The following RBFOX1 variants were observed in gnomAD, a reference collection of about 807,000 sequenced individuals.
RBFOX1 encodes RNA binding fox-1 homolog 1.
RBFOX1 carries 8 observed loss-of-function variants against 57.7 expected under a neutral mutation model. The observed-to-expected ratio is 0.14, with a 90% CI of 0.08 to 0.25. The LOEUF (loss-of-function observed/expected upper bound fraction) is 0.25. Among genes scored for constraint, RBFOX1 ranks in the 10% least tolerant of loss-of-function variants. The probability of loss-of-function intolerance (pLI) is 1.00; values close to 1 mark genes in which losing one functional copy is unlikely to be tolerated. For missense variants in RBFOX1, 611 were observed against 548.5 expected (o/e 1.11, Z -1.14); for synonymous variants, 326 against 222.4 (o/e 1.47, Z -4.15).
chr16:5,455,027 C>CTT, intron 1 of RBFOX1, among the ~76,000 whole-genome samples: 1 of 118,306 alleles, frequency 8.5e-6, no homozygotes, highest in East Asian at 2.8e-4. Context: ...TTCTTTCTCT[C>CTT]TCTCTGTCTG....
At chr16:6,737,900 C>G (rs1014838436) in intron 3 of RBFOX1, among the ~76,000 whole-genome samples, 3 of 152,022 alleles carry the variant, frequency 2.0e-5, no homozygotes, top group African/African-American at 7.2e-5. Flanking sequence ...GCCATGAAGC[C>G]TAAGTTACAT....
intron 2 of RBFOX1, among the ~76,000 whole-genome samples, chr16:6,378,533 C>G (rs17140053): frequency 0.025 from 3,736 of 152,304 alleles, 161 homozygotes; most frequent in African/African-American, 0.084. Flanking sequence ...CATCTCCTGG[C>G]TGGATCATCT....
rs531205458 is a variant in RBFOX1 at position 6,497,613 on chromosome 16, G to C, written c.-63-156990G>C. Among the ~76,000 whole-genome samples the C allele has an allele frequency of 1.1e-4, 17 of 151,282 alleles. No homozygotes were observed. In the South Asian group the frequency reaches 3.6e-3, roughly 32 times the overall value. ...CTCTTGTCACCCAGGCTGGACTGCA[G>C]TGGCGCGATCTTGGCTTACTGCAAC... On this transcript the variant is annotated intron_variant, in intron 2 of 15. Transcript: ENST00000550418.
intron 14 of RBFOX1, among the ~76,000 whole-genome samples, chr16:7,689,203 G>A (rs1342932900): frequency 6.6e-6 from 1 of 152,118 alleles, no homozygotes. Flanking sequence ...ACATTCCCAT[G>A]AGCCAAGACA....
At chr16:6,423,210 G>T (rs1245396851) in intron 2 of RBFOX1, among the ~76,000 whole-genome samples, 1 of 152,194 alleles carries the variant, frequency 6.6e-6, no homozygotes, top group Non-Finnish European at 1.5e-5. Context: ...TACAGTGTTT[G>T]TTGTATCTGA....
intron 1 of RBFOX1, among the ~76,000 whole-genome samples, chr16:6,112,605 C>T (rs1446859466): frequency 1.3e-5 from 2 of 152,118 alleles, no homozygotes; most frequent in Non-Finnish European, 2.9e-5. Flanking sequence ...GCAGGATAAT[C>T]GTTTGAACCC....
chr16:5,860,091 C>T (rs1412874644), intron 3 of RBFOX1, among the ~76,000 whole-genome samples: 2 of 151,472 alleles, frequency 1.3e-5, no homozygotes, highest in Non-Finnish European at 2.9e-5. Context: ...GTCAGCATTT[C>T]TTTTTTTTTG....
rs559044891 is a variant in RBFOX1, at chr16:5,266,850, C to T, written c.219+26745C>T. On this transcript the variant is annotated intron_variant, in intron 1 of 2. Transcript: ENST00000585867. ...CTGGGATGACAGGCATGAGCCACTG[C>T]GCCTGGCCAGTATGTTCAGTTTGTA... 1.3e-3 allele frequency among the ~76,000 whole-genome samples: 197 copies of T among 152,106 alleles called. 1 individual carries two copies. Among genetic ancestry groups the T allele is most frequent in the African/African-American group, 4.5e-3 (185 of 41,480 alleles).
At chr16:7,682,548 T>TG (rs2075035209) in intron 14 of RBFOX1, among the ~76,000 whole-genome samples, 1 of 151,282 alleles carries the variant, frequency 6.6e-6, no homozygotes, top group Admixed American at 6.6e-5. Context: ...GGTTTTAGTT[T>TG]TTTTTTTTTT....
intron 3 of RBFOX1, among the ~76,000 whole-genome samples, chr16:5,670,531 G>C (rs143661775): frequency 1.8e-3 from 274 of 152,292 alleles, no homozygotes; most frequent in African/African-American, 6.3e-3. Context: ...CACAAGCCCT[G>C]ATTTTCATTT....
intron 3 of RBFOX1, among the ~76,000 whole-genome samples, chr16:6,667,449 T>G (rs2098739895): frequency 6.6e-6 from 1 of 152,110 alleles, no homozygotes; most frequent in Admixed American, 6.6e-5. Context: ...GCTTCCTGGT[T>G]ATTTAACCTC....
intron 3 of RBFOX1, among the ~76,000 whole-genome samples, chr16:7,029,018 T>A (rs1418486252): frequency 7.7e-6 from 1 of 129,144 alleles, no homozygotes; most frequent in African/African-American, 3.1e-5. Flanking sequence ...TTTCTAGTAA[T>A]GCTAAGCATA....
At chr16:7,418,124 C>T (rs761300928) in intron 4 of RBFOX1, among the ~76,000 whole-genome samples, 11 of 152,176 alleles carry the variant, frequency 7.2e-5, no homozygotes, top group Non-Finnish European at 1.3e-4. Flanking sequence ...CCCCCACGGC[C>T]AACCTAGGTC....
intron 3 of RBFOX1, among the ~76,000 whole-genome samples, chr16:6,848,004 A>G (rs918527768): frequency 1.3e-5 from 2 of 151,966 alleles, no homozygotes; most frequent in African/African-American, 4.8e-5. Flanking sequence ...TAATTTTTTT[A>G]TTTTTAATAG....
intron 3 of RBFOX1, among the ~76,000 whole-genome samples, chr16:6,874,389 A>G (rs1293367217): frequency 6.6e-6 from 1 of 151,914 alleles, no homozygotes; most frequent in Non-Finnish European, 1.5e-5. Context: ...AGGTGCCTGT[A>G]GTCCCAGCTA....
At chr16:6,750,744 A>G (rs1288134872) in intron 3 of RBFOX1, among the ~76,000 whole-genome samples, 1 of 152,236 alleles carries the variant, frequency 6.6e-6, no homozygotes, top group Admixed American at 6.5e-5. Flanking sequence ...AGGGCAGTGT[A>G]TGAGACAGAC....
chr16:5,629,030 A>G (rs2048425080), intron 3 of RBFOX1, among the ~76,000 whole-genome samples: 1 of 152,238 alleles, frequency 6.6e-6, no homozygotes, highest in South Asian at 2.1e-4. Flanking sequence ...CCAGGCCCCA[A>G]GCACCCATCG....
rs112458810 is a variant in RBFOX1 at position 7,024,020 on chromosome 16, G to A, written c.-15-28037G>A. ...AGGTTTCTATATCCTCCTGATAACC[G>A]TATGTTGAAAAAGGATTTAAGAGGA... On this transcript the variant is annotated intron_variant, in intron 3 of 15. Transcript: ENST00000550418. 6.2e-3 allele frequency among the ~76,000 whole-genome samples: 932 copies of A among 150,400 alleles called. 11 individuals carry two copies. Among genetic ancestry groups the A allele is most frequent in the African/African-American group, 0.022 (872 of 39,800 alleles).
intron 1 of RBFOX1, among the ~76,000 whole-genome samples, chr16:6,185,286 A>G (rs554140837): frequency 6.6e-5 from 10 of 152,266 alleles, no homozygotes; most frequent in South Asian, 2.1e-4. Context: ...AAACTTGTCT[A>G]TATTTGCTAT....
Sources: allele counts gnomAD v4.1 joint callset (sites outside exome capture counted in the v4.1 genomes callset), GRCh38; gene constraint gnomAD v4.1.1; transcripts MANE v1.5; gene names NCBI Gene and HGNC (gene_info 2026-07-23, HGNC 2026-07-21).